The following RANBP2 variants were observed in gnomAD, a reference collection of about 807,000 sequenced individuals.
RANBP2 encodes RAN binding protein 2.
A neutral mutation model predicts 303.6 loss-of-function variants in RANBP2; 57 were observed. The ratio of observed to expected loss-of-function variants is 0.19; its 90% confidence interval spans 0.15 to 0.23. The LOEUF (loss-of-function observed/expected upper bound fraction) is 0.23, where lower values mean the gene tolerates loss of function less well. Among genes scored for constraint, RANBP2 ranks in the 10% least tolerant of loss-of-function variants. RANBP2 has a pLI of 1.00. For missense variants in RANBP2, 3,138 were observed against 3,780.8 expected (o/e 0.83, Z 4.46); for synonymous variants, 1,167 against 1,301.5 (o/e 0.90, Z 2.23).
At chr2:108,852,976 T>A in the RANBP2 span, among the ~76,000 whole-genome samples, 1 of 152,206 alleles carries the variant, frequency 6.6e-6, no homozygotes, top group Non-Finnish European at 1.5e-5. Flanking sequence ...ACAATTTTGT[T>A]TGTATCAAAG....
At chr2:108,879,514 C>A in the RANBP2 span, among the ~76,000 whole-genome samples, 2 of 152,098 alleles carry the variant, frequency 1.3e-5, no homozygotes, top group African/African-American at 4.8e-5. Context: ...GAAATTAATA[C>A]CAACTGCATA....
the RANBP2 span, among the ~76,000 whole-genome samples, chr2:109,188,953 GT>G: frequency 6.6e-6 from 1 of 151,930 alleles, no homozygotes; most frequent in South Asian, 2.1e-4. Context: ...ACCTGAAAAT[GT>G]TTGTGAAGTA....
At chr2:108,924,801 C>A in the RANBP2 span, among the ~76,000 whole-genome samples, 1 of 152,246 alleles carries the variant, frequency 6.6e-6, no homozygotes, top group Non-Finnish European at 1.5e-5. Flanking sequence ...AAGCCTCTCG[C>A]AAATCTACCT....
the RANBP2 span, among the ~76,000 whole-genome samples, chr2:108,815,531 A>G: frequency 7.9e-6 from 1 of 127,180 alleles, no homozygotes; most frequent in Non-Finnish European, 1.5e-5. Flanking sequence ...CAGTGGTGCG[A>G]TCTCGGCTCA....
At chr2:109,107,381 A>G in the RANBP2 span, among the ~76,000 whole-genome samples, 1 of 152,270 alleles carries the variant, frequency 6.6e-6, no homozygotes, top group East Asian at 1.9e-4. Context: ...AAGAGAGCAA[A>G]GTAGAGCCAG....
At chr2:109,552,926 A>C in the RANBP2 span, 4 of 777,074 alleles carry the variant, frequency 5.1e-6, no homozygotes, top group South Asian at 8.8e-5. Flanking sequence ...ATTTCAGGCT[A>C]TGATTCTAAG....
At chr2:109,604,279 G>T in the RANBP2 span, among the ~76,000 whole-genome samples, 5 of 148,740 alleles carry the variant, frequency 3.4e-5, no homozygotes, top group Non-Finnish European at 7.4e-5. Flanking sequence ...AGGAGGCAGA[G>T]GTTGCAGTGG....
At chr2:108,735,489 A>C (rs560339168) in intron 4 of RANBP2, 43 bp from the exon 5 acceptor site, 188 of 1,596,926 alleles carry the variant, frequency 1.2e-4, no homozygotes, top group Non-Finnish European at 1.5e-4. Context: ...TTAAAATTGC[A>C]CAAGTGTTAC....
the RANBP2 span, among the ~76,000 whole-genome samples, chr2:109,274,129 C>A: frequency 2.0e-5 from 3 of 152,178 alleles, no homozygotes; most frequent in African/African-American, 7.2e-5. Flanking sequence ...ATGTCAAAGG[C>A]AACTTGTAGT....
the RANBP2 span, among the ~76,000 whole-genome samples, chr2:109,117,341 G>A: frequency 6.6e-6 from 1 of 152,220 alleles, no homozygotes; most frequent in African/African-American, 2.4e-5. Flanking sequence ...GGCAATGGTG[G>A]GTGCCCCTCC....
chr2:109,614,061 C>T, the RANBP2 span: 1 of 1,212,374 alleles, frequency 8.2e-7, no homozygotes, highest in Non-Finnish European at 1.0e-6. Flanking sequence ...CAAGCGAGCC[C>T]CTCACAGGAG....
the RANBP2 span, among the ~76,000 whole-genome samples, chr2:108,853,878 A>AAT: frequency 8.0e-6 from 1 of 124,856 alleles, no homozygotes; most frequent in East Asian, 2.0e-4. Flanking sequence ...TATACTATAT[A>AAT]ATATATTATA....
chr2:109,331,781 G>T, the RANBP2 span, among the ~76,000 whole-genome samples: 1 of 152,200 alleles, frequency 6.6e-6, no homozygotes, highest in East Asian at 1.9e-4. Context: ...CTGATTGAAT[G>T]AATATAATAT....
chr2:109,391,378 T>C, the RANBP2 span, among the ~76,000 whole-genome samples: 8 of 152,180 alleles, frequency 5.3e-5, no homozygotes, highest in Non-Finnish European at 1.2e-4. Flanking sequence ...ACATCTGCCA[T>C]GTGCTGGAGG....
chr2:109,230,414 T>TAA, the RANBP2 span, among the ~76,000 whole-genome samples: 414 of 151,524 alleles, frequency 2.7e-3, 4 homozygotes, highest in African/African-American at 9.4e-3. Flanking sequence ...CCATCTTTAC[T>TAA]AAAAAAAATG....
chr2:109,608,982 T>C, the RANBP2 span, among the ~76,000 whole-genome samples: 4 of 152,238 alleles, frequency 2.6e-5, no homozygotes, highest in African/African-American at 9.6e-5. Flanking sequence ...AGAGGGACTC[T>C]ATCCTGCAGT....
At chr2:109,500,096 G>A in the RANBP2 span, among the ~76,000 whole-genome samples, 1 of 152,156 alleles carries the variant, frequency 6.6e-6, no homozygotes, top group Non-Finnish European at 1.5e-5. Flanking sequence ...AGGTGTGGCT[G>A]GAACCCACAG....
intron 20 of RANBP2, among the ~76,000 whole-genome samples, chr2:108,768,946 A>T (rs1204743622): frequency 1.3e-5 from 2 of 151,902 alleles, no homozygotes. Flanking sequence ...AGGCAGGAGG[A>T]TCACTTGAGC....
the RANBP2 span, among the ~76,000 whole-genome samples, chr2:109,694,828 T>C: frequency 6.6e-6 from 1 of 151,946 alleles, no homozygotes; most frequent in African/African-American, 2.4e-5. Flanking sequence ...TGTGTGTGTG[T>C]GTGTGTGTGT....
Sources: gnomAD v4.1 joint callset for allele counts (sites outside exome capture counted in the v4.1 genomes callset) on GRCh38, gnomAD v4.1.1 for gene constraint, MANE v1.5 for transcripts, NCBI Gene and HGNC (gene_info 2026-07-23, HGNC 2026-07-21) for gene names.